The following EPHA6 variants were observed in gnomAD, a reference collection of about 807,000 sequenced individuals.
EPHA6 encodes EPH receptor A6, also known as ephrin type-A receptor 6.
In EPHA6, 50 loss-of-function variants were observed where a neutral mutation model predicts 112.0. That is an observed-to-expected ratio of 0.45 (90% CI 0.36 to 0.56). EPHA6 has a LOEUF of 0.56. Among genes scored for constraint, EPHA6 ranks in the 20% least tolerant of loss-of-function variants. The pLI is 0.00. For synonymous variants in EPHA6, 529 were observed against 490.7 expected, an observed-to-expected ratio of 1.08 and a Z score of -1.03; for missense variants, 1,280 against 1,417.4, an observed-to-expected ratio of 0.90 and a Z score of 1.56.
At chr3:97,195,764 T>C (rs1283127846) in intron 3 of EPHA6, among the ~76,000 whole-genome samples, 1 of 152,108 alleles carries the variant, frequency 6.6e-6, no homozygotes, top group Non-Finnish European at 1.5e-5. Flanking sequence ...GATATACTAT[T>C]TTAGGGTAAA....
chr3:97,689,194 C>A (rs2032478294), intron 14 of EPHA6, among the ~76,000 whole-genome samples: 1 of 152,156 alleles, frequency 6.6e-6, no homozygotes, highest in Non-Finnish European at 1.5e-5. Context: ...TATGGAAGTT[C>A]ACAGAATAAT....
chr3:97,316,813 C>T (rs971967249), intron 5 of EPHA6, among the ~76,000 whole-genome samples: 4 of 151,334 alleles, frequency 2.6e-5, no homozygotes, highest in Non-Finnish European at 5.9e-5. Context: ...ATCAGTAAAG[C>T]TTTCATTAAA....
intron 15 of EPHA6, among the ~76,000 whole-genome samples, chr3:97,730,318 GATGTCA>G (rs1413197637): frequency 6.6e-6 from 1 of 152,054 alleles, no homozygotes; most frequent in Non-Finnish European, 1.5e-5. Context: ...TAAAAATTGT[GATGTCA>G]ATGTCAAGAA....
chr3:96,985,961 G>A (rs369397366), intron 2 of EPHA6, among the ~76,000 whole-genome samples: 3 of 152,170 alleles, frequency 2.0e-5, no homozygotes, highest in East Asian at 1.9e-4. Flanking sequence ...ACTGAAGTAT[G>A]TTATCAACCA....
At chr3:97,104,756 T>C (rs2047514394) in intron 3 of EPHA6, among the ~76,000 whole-genome samples, 1 of 152,158 alleles carries the variant, frequency 6.6e-6, no homozygotes, top group South Asian at 2.1e-4. Context: ...AATCCAGCTG[T>C]GAATCTGTTT....
chr3:97,365,766 T>G (rs2084689470), intron 5 of EPHA6, among the ~76,000 whole-genome samples: 1 of 152,218 alleles, frequency 6.6e-6, no homozygotes, highest in South Asian at 2.1e-4. Flanking sequence ...GTGATTTTCA[T>G]GTAAACAATT....
chr3:97,755,171 G>A lies in EPHA6; in HGVS notation c.*6470G>A, dbSNP rs970875618. On this transcript the variant is annotated 3_prime_UTR_variant, in exon 18 of 18. Transcript: ENST00000389672. ...TTAGACACAACTAATTCATTCCTCA[G>A]AATAACAAAGGTATTAAAGAAAAAT... Among the ~76,000 whole-genome samples the A allele has an allele frequency of 1.3e-5, 2 of 152,074 alleles. No homozygotes were observed. Among genetic ancestry groups the A allele is most frequent in the Non-Finnish European group, 2.9e-5 (2 of 68,008 alleles).
chr3:97,002,449 C>T (rs2043702907), intron 3 of EPHA6, among the ~76,000 whole-genome samples: 1 of 149,180 alleles, frequency 6.7e-6, no homozygotes. Context: ...ATTGAGGTGA[C>T]CATAAAATTT....
intron 5 of EPHA6, among the ~76,000 whole-genome samples, chr3:97,259,418 T>C (rs2079425074): frequency 6.6e-6 from 1 of 152,146 alleles, no homozygotes; most frequent in South Asian, 2.1e-4. Flanking sequence ...AGCTTAGAAG[T>C]TTCTTCAAAG....
chr3:96,992,448 G>A (rs2107865768), intron 3 of EPHA6, among the ~76,000 whole-genome samples: 1 of 152,280 alleles, frequency 6.6e-6, no homozygotes, highest in Non-Finnish European at 1.5e-5. Flanking sequence ...CTTATCTGAG[G>A]TCACTCATGC....
chr3:97,747,546 T>C lies in EPHA6; in HGVS notation c.3252T>C (p.Phe1084=). The C allele has an allele frequency of 6.2e-7, 1 of 1,608,378 alleles. No individual in the cohort carries two copies. Among genetic ancestry groups the C allele is most frequent in the Non-Finnish European group, 8.5e-7 (1 of 1,177,184 alleles). ...TCGTGGCAGCAGGGTTTACAACATT[T>C]GACCTGATTTCAAGAATGAGCATTG... ...NNFVAAGFTT[F]DLISRMSIDD... Residue 1084 remains phenylalanine (F), a synonymous_variant, in exon 17 of 18, where the codon TTT becomes TTC. Coordinates refer to ENST00000389672, the MANE Select transcript of EPHA6 (RefSeq NM_001080448.3).
At chr3:97,439,519 AT>A (rs1437829477) in intron 6 of EPHA6, 1 of 473,008 alleles carries the variant, frequency 2.1e-6, no homozygotes, top group African/African-American at 2.1e-5. Context: ...ATTTTAATGA[AT>A]GCGAGAAAAG....
At chr3:96,889,136 A>G (rs2037807004) in intron 2 of EPHA6, among the ~76,000 whole-genome samples, 1 of 152,152 alleles carries the variant, frequency 6.6e-6, no homozygotes, top group Non-Finnish European at 1.5e-5. Flanking sequence ...ATCAGCCTGG[A>G]CTTTACTGTA....
chr3:97,480,210 T>G (rs1304619469), intron 9 of EPHA6, among the ~76,000 whole-genome samples: 1 of 151,748 alleles, frequency 6.6e-6, no homozygotes, highest in East Asian at 1.9e-4. Context: ...GAATTTTTCT[T>G]TTTTTTCTTT....
intron 3 of EPHA6, among the ~76,000 whole-genome samples, chr3:97,003,755 C>T (rs540264259): frequency 1.3e-5 from 2 of 151,892 alleles, no homozygotes; most frequent in East Asian, 1.9e-4. Context: ...GTTTGCTGCC[C>T]CTATTGACCC....
At chr3:97,558,320 T>C (rs1355040454) in intron 11 of EPHA6, among the ~76,000 whole-genome samples, 1 of 151,994 alleles carries the variant, frequency 6.6e-6, no homozygotes, top group Non-Finnish European at 1.5e-5. Context: ...GATATGGTCA[T>C]ATACTCAGCT....
At chr3:97,692,305 G>A (rs1308924091) in intron 14 of EPHA6, among the ~76,000 whole-genome samples, 1 of 152,100 alleles carries the variant, frequency 6.6e-6, no homozygotes, top group African/African-American at 2.4e-5. Flanking sequence ...CTAATCTTAT[G>A]TAAGTCTTTT....
At chr3:97,091,685 G>A (rs1373323860) in intron 3 of EPHA6, among the ~76,000 whole-genome samples, 3 of 152,202 alleles carry the variant, frequency 2.0e-5, no homozygotes, top group South Asian at 4.1e-4. Flanking sequence ...ATTAAAGGGA[G>A]AATGACCACA....
chr3:97,244,088 C>CA lies in EPHA6; in HGVS notation c.1408dup (p.Thr470AsnfsTer5). ...TAATCTGTAAGAAATGTGGCTTAGA[C>CA]ACCAGCCAGTGTGAGGACTGTGGTG... On this transcript the variant is annotated frameshift_variant, in exon 5 of 18. Coordinates refer to ENST00000389672, the MANE Select transcript of EPHA6 (RefSeq NM_001080448.3). LOFTEE classifies it high-confidence loss of function. The CA allele has an allele frequency of 1.2e-6, 2 of 1,612,958 alleles. No homozygotes were observed. The highest frequency in any genetic ancestry group is 1.7e-6 in the Non-Finnish European group (2 of 1,179,312).
Sources: allele counts gnomAD v4.1 joint callset (sites outside exome capture counted in the v4.1 genomes callset), GRCh38; gene constraint gnomAD v4.1.1; transcripts MANE v1.5; gene names NCBI Gene and HGNC (gene_info 2026-07-23, HGNC 2026-07-21).